Variants in NFAT5 observed in about 807,000 individuals in gnomAD.
The protein encoded by NFAT5 is nuclear factor of activated T cells 5.
A neutral mutation model predicts 166.5 loss-of-function variants in NFAT5; 31 were observed. The observed-to-expected ratio is 0.19, with a 90% CI of 0.14 to 0.25. The LOEUF is 0.25. Among genes scored for constraint, NFAT5 ranks in the 10% least tolerant of loss-of-function variants. The pLI is 1.00. For missense variants in NFAT5, 1,449 were observed against 1,821.8 expected, an observed-to-expected ratio of 0.80 and a Z score of 3.72; for synonymous variants, 612 against 639.7, an observed-to-expected ratio of 0.96 and a Z score of 0.65.
At position 69,682,360 on chromosome 16, in the gene NFAT5, C is replaced by T. The variant is rs1012984157; in HGVS notation, c.1691-2527C>T. ...AGGTGGCTCACATATGTGGTCCTGA[C>T]ACTTCAGGAGGCCAAGGCAAGAGGA... On this transcript the variant is annotated intron_variant, in intron 10 of 14. Transcript: ENST00000349945. 3.3e-5 allele frequency among the ~76,000 whole-genome samples: 5 copies of T among 149,786 alleles called. No homozygotes were observed. The South Asian group carries it at 1.1e-3, about 32-fold the overall frequency.
chr16:69,694,904 G>A (rs935686200), intron 13 of NFAT5, among the ~76,000 whole-genome samples: 2 of 152,148 alleles, frequency 1.3e-5, no homozygotes, highest in Admixed American at 1.3e-4. Flanking sequence ...TGTATTTTTA[G>A]ACTGCTTAAA....
chr16:69,656,405 A>G (rs2035880217), intron 6 of NFAT5, among the ~76,000 whole-genome samples: 1 of 151,580 alleles, frequency 6.6e-6, no homozygotes, highest in Non-Finnish European at 1.5e-5. Context: ...AAAAACTTCA[A>G]TTTGATTTGC....
At chr16:69,569,581 G>GTT (rs2016315124) in intron 2 of NFAT5, among the ~76,000 whole-genome samples, 1 of 152,128 alleles carries the variant, frequency 6.6e-6, no homozygotes, top group African/African-American at 2.4e-5. Flanking sequence ...CTCCTTATTA[G>GTT]TTCTGTGACT....
chr16:69,618,082 G>A (rs571430545), intron 2 of NFAT5, among the ~76,000 whole-genome samples: 1 of 151,598 alleles, frequency 6.6e-6, no homozygotes, highest in South Asian at 2.1e-4. Flanking sequence ...TGCTTGGACC[G>A]GGGAGGTGGA....
At chr16:69,618,437 T>A (rs2034055655) in intron 2 of NFAT5, among the ~76,000 whole-genome samples, 1 of 152,190 alleles carries the variant, frequency 6.6e-6, no homozygotes, top group South Asian at 2.1e-4. Context: ...AGAAACTGAA[T>A]ATCCAGTGGA....
At chr16:69,588,980 C>CCTT (rs2032281581) in intron 2 of NFAT5, among the ~76,000 whole-genome samples, 7 of 34,342 alleles carry the variant, frequency 2.0e-4, no homozygotes, top group African/African-American at 6.1e-4. Context: ...TTTCCTACTT[C>CCTT]TTTTTTTTTT....
Position 69,566,234 on chromosome 16 carries a change from A to G in NFAT5, c.-68A>G. 6.9e-7 allele frequency: 1 copy of G among 1,449,298 alleles called. No individual in the cohort carries two copies. Among genetic ancestry groups the G allele is most frequent in the Admixed American group, 2.0e-5 (1 of 50,382 alleles). The allele number at this position is 1,449,298 out of a possible 1,614,324, so 89.8% of individuals were successfully genotyped here. A position where few individuals can be genotyped will look rare whatever the true frequency, so the allele number is the denominator to read the frequency against. The stretch of plus-strand genomic sequence containing the variant: ...CGGTTCGGTGCCCGCGGTCCCGGAG[A>G]GGAGGTGCCGCCGCCACCGCCGCTC... On this transcript the variant is annotated 5_prime_UTR_variant, in exon 1 of 15. Transcript: ENST00000349945. This position sits in a 1 kb window ranked among gnomAD's most constrained non-coding sequence, Gnocchi z 5.7.
At position 69,628,373 on chromosome 16, in the gene NFAT5, T is replaced by C. The variant is rs182694024; in HGVS notation, c.253+1845T>C. On this transcript the variant is annotated intron_variant, in intron 3 of 14. Transcript: ENST00000349945. ...TCTTATTATCTTGAAATTATTGACATTGTAAAGATGGCAAAGAGAGTAAGA... is the reference window on the plus strand; with the variant it reads ...TCTTATTATCTTGAAATTATTGACACTGTAAAGATGGCAAAGAGAGTAAGA... 8.1e-4 allele frequency among the ~76,000 whole-genome samples: 123 copies of C among 152,224 alleles called. 3 individuals are homozygous for C. In the East Asian group the frequency reaches 0.013, roughly 16 times the overall value.
At chr16:69,610,330 G>T (rs565668116) in intron 2 of NFAT5, among the ~76,000 whole-genome samples, 5 of 151,480 alleles carry the variant, frequency 3.3e-5, no homozygotes, top group African/African-American at 9.7e-5. Flanking sequence ...AACAAGATGG[G>T]TTTTTTTTGG....
intron 9 of NFAT5, among the ~76,000 whole-genome samples, chr16:69,674,625 T>TA (rs767204203): frequency 3.3e-5 from 5 of 152,162 alleles, no homozygotes; most frequent in Non-Finnish European, 5.9e-5. Context: ...CTTGAAAGCT[T>TA]AGAGTTATGT....
At chr16:69,680,301 T>G (rs1207638378) in intron 10 of NFAT5, among the ~76,000 whole-genome samples, 1 of 152,118 alleles carries the variant, frequency 6.6e-6, no homozygotes, top group Non-Finnish European at 1.5e-5. Flanking sequence ...GGAAAGGAAT[T>G]TATGTCAGGA....
rs190009103 is a variant in NFAT5 at position 69,625,947 on chromosome 16, T to C, written c.128-456T>C. Among the ~76,000 whole-genome samples the C allele has an allele frequency of 6.7e-5, 10 of 149,796 alleles. No individual in the cohort carries two copies. In the East Asian group the frequency reaches 1.7e-3, roughly 26 times the overall value. On this transcript the variant is annotated intron_variant, in intron 2 of 14. Transcript: ENST00000349945. Reference sequence around the variant, plus strand: ...AGTTCAATAAGATTATATAATAAAATAAAAAATAAAAAAATTTTTTTTTTT... The same window carrying C: ...AGTTCAATAAGATTATATAATAAAACAAAAAATAAAAAAATTTTTTTTTTT...
chr16:69,682,441 C>T (rs140577176), intron 10 of NFAT5, among the ~76,000 whole-genome samples: 39 of 151,116 alleles, frequency 2.6e-4, no homozygotes, highest in East Asian at 2.1e-3. Flanking sequence ...GACCCCCCCC[C>T]CCGCCATCCC....
At position 69,693,118 on chromosome 16, in the gene NFAT5, A is replaced by G; in HGVS notation, c.3293A>G (p.Asp1098Gly). The G allele has an allele frequency of 6.2e-7, 1 of 1,614,138 alleles. No homozygotes were observed. Among genetic ancestry groups the G allele is most frequent in the East Asian group, 2.2e-5 (1 of 44,884 alleles). Residue 1098 changes from aspartate to glycine, a missense_variant, in exon 13 of 15, where the codon GAT becomes GGT. Transcript: ENST00000349945. ...QLFHPQNPIA[D>G]AQNLSQETQG... ...TTTCATCCTCAAAATCCTATTGCCG[A>G]TGCTCAGAACCTTTCCCAGGAAACT...
At chr16:69,567,822 G>C (rs1332102289) in intron 1 of NFAT5, among the ~76,000 whole-genome samples, 1 of 152,136 alleles carries the variant, frequency 6.6e-6, no homozygotes, top group Non-Finnish European at 1.5e-5. Context: ...ATGATTCTTA[G>C]AGCAGGGCTA....
chr16:69,609,514 C>A (rs1171811445), intron 2 of NFAT5, among the ~76,000 whole-genome samples: 1 of 152,042 alleles, frequency 6.6e-6, no homozygotes, highest in Non-Finnish European at 1.5e-5. Flanking sequence ...GTAAGGGAAA[C>A]AAAGTTAAAA....
intron 7 of NFAT5, among the ~76,000 whole-genome samples, chr16:69,661,380 TAAA>T (rs775926746): frequency 8.2e-6 from 1 of 121,926 alleles, no homozygotes. Context: ...TTACAAAAAT[TAAA>T]AAAAAAAAAA....
intron 2 of NFAT5, among the ~76,000 whole-genome samples, chr16:69,611,044 T>C (rs1362118807): frequency 6.6e-6 from 1 of 152,180 alleles, no homozygotes; most frequent in Admixed American, 6.5e-5. Flanking sequence ...TAGTTTTTTC[T>C]TATTTTTGAA....
intron 7 of NFAT5, among the ~76,000 whole-genome samples, chr16:69,666,894 T>G (rs1187377722): frequency 6.6e-6 from 1 of 152,098 alleles, no homozygotes; most frequent in Admixed American, 6.5e-5. Flanking sequence ...GCAGCACTAT[T>G]CACAATAGCA....
Sources: allele counts gnomAD v4.1 joint callset (sites outside exome capture counted in the v4.1 genomes callset), GRCh38; gene constraint gnomAD v4.1.1; non-coding constraint Gnocchi (gnomAD v3.1); transcripts MANE v1.5; gene names NCBI Gene and HGNC (gene_info 2026-07-23, HGNC 2026-07-21).